Variants in KIF13B observed in about 807,000 individuals in gnomAD.
The protein encoded by KIF13B is kinesin-like protein KIF13B.
In KIF13B, 127 loss-of-function variants were observed where a neutral mutation model predicts 222.0. The ratio of observed to expected loss-of-function variants is 0.57; its 90% confidence interval spans 0.50 to 0.66. The LOEUF is 0.66. Among genes scored for constraint, KIF13B ranks in the 30% least tolerant of loss-of-function variants. The pLI is 0.00. For missense variants in KIF13B, 2,173 were observed against 2,379.0 expected, an observed-to-expected ratio of 0.91 and a Z score of 1.80; for synonymous variants, 976 against 919.0, an observed-to-expected ratio of 1.06 and a Z score of -1.12.
At chr8:29,072,911 A>C (rs1807368426) in intron 38 of KIF13B, among the ~76,000 whole-genome samples, 1 of 152,058 alleles carries the variant, frequency 6.6e-6, no homozygotes, top group South Asian at 2.1e-4. Context: ...TGAGTCACTA[A>C]AGAGACCAGA....
rs1366334962 is a variant in KIF13B at position 29,113,572 on chromosome 8, T to G, written c.3838-17A>C. 4 of 1,464,338 alleles carry G rather than the reference T, an allele frequency of 2.7e-6. No homozygotes were observed. The highest frequency in any genetic ancestry group is 1.2e-5 in the South Asian group (1 of 82,158). The allele number at this position is 1,464,338 out of a possible 1,614,324, so 90.7% of individuals were successfully genotyped here. ...TGCAAAACCCTAGAGAAAAACAAAA[T>G]AGAAGATATGGTTTCCCACCTGAAA... On this transcript the variant is annotated splice_polypyrimidine_tract_variant and intron_variant, in intron 31 of 39. Coordinates refer to ENST00000524189, the MANE Select transcript of KIF13B (RefSeq NM_015254.4).
At chr8:29,109,026 C>T (rs977040287) in intron 34 of KIF13B, among the ~76,000 whole-genome samples, 22 of 152,144 alleles carry the variant, frequency 1.4e-4, no homozygotes, top group African/African-American at 5.3e-4. Flanking sequence ...GCATGGACAC[C>T]ACCCTGGCTG....
intron 21 of KIF13B, among the ~76,000 whole-genome samples, chr8:29,139,479 C>A (rs1275586034): frequency 3.9e-5 from 6 of 152,158 alleles, no homozygotes; most frequent in African/African-American, 1.4e-4. Context: ...AGATTCCTCC[C>A]CCTTCCTAGT....
Position 29,150,376 on chromosome 8 carries a change from C to A in KIF13B, c.1543G>T (p.Val515Leu), listed in dbSNP as rs1372580071. 2.6e-6 allele frequency: 4 copies of A among 1,557,976 alleles called. No homozygotes were observed. In the Admixed American group the frequency reaches 6.8e-5, roughly 27 times the overall value. The change falls in exon 15 of 40, where the codon GTA (valine) becomes TTA (leucine). Residue 515 changes from valine (V) to leucine (L), a missense_variant. Around this residue, in one of 2 missense-constraint regions of KIF13B, gnomAD observed 1,480 missense variants for 1,722.8 expected, o/e 0.86. Coordinates refer to ENST00000524189, the MANE Select transcript of KIF13B (RefSeq NM_015254.4). ...LTPQKNTRTF[V>L]NGSSVSSPIQ... ...GGACTGGAGACAGATGACCCATTTACAAATGTTCTGTAAGGAGAAGAGATC... is the reference window on the plus strand; with the variant it reads ...GGACTGGAGACAGATGACCCATTTAAAAATGTTCTGTAAGGAGAAGAGATC...
chr8:29,109,458 A>G lies in KIF13B; in HGVS notation c.4137T>C (p.Ser1379=). 6.2e-7 allele frequency: 1 copy of G among 1,613,702 alleles called. No individual in the cohort carries two copies. The highest frequency in any genetic ancestry group is 8.5e-7 in the Non-Finnish European group (1 of 1,179,724). Residue 1379 remains serine, a synonymous_variant, in exon 34 of 40, where the codon AGT becomes AGC. Coordinates refer to ENST00000524189, the MANE Select transcript of KIF13B (RefSeq NM_015254.4). The part of the protein sequence containing the change: ...LTGKGKLSRR[S]ISSPNVNRLS... ...CTCTGTTCACATTTGGAGAACTGAT[A>G]CTCCTCCTGCTCAACTTTCCTTTTC... is the stretch of plus-strand genomic sequence containing the variant.
intron 2 of KIF13B, among the ~76,000 whole-genome samples, chr8:29,232,816 C>T (rs1427040377): frequency 6.6e-6 from 1 of 152,158 alleles, no homozygotes. Flanking sequence ...CTCCATAGCA[C>T]CCATACCACT....
At position 29,180,835 on chromosome 8, in the gene KIF13B, G is replaced by A. The variant is rs543085937; in HGVS notation, c.586-597C>T. On this transcript the variant is annotated intron_variant, in intron 7 of 39. Coordinates refer to ENST00000524189, the MANE Select transcript of KIF13B (RefSeq NM_015254.4). ...TTCTTTTTTTTTTTTAATGTTATAA[G>A]CTCTAAAACAGTTAACCAACCTGGA... Among the ~76,000 whole-genome samples, 9 of 151,396 alleles carry A rather than the reference G, an allele frequency of 5.9e-5. No homozygotes were observed. The South Asian group carries it at 1.9e-3, about 32-fold the overall frequency.
chr8:29,149,529 C>T (rs575674922), intron 15 of KIF13B, among the ~76,000 whole-genome samples: 1 of 152,228 alleles, frequency 6.6e-6, no homozygotes, highest in Non-Finnish European at 1.5e-5. Flanking sequence ...CCAGGTGAGA[C>T]ACAGTCTTTC....
intron 12 of KIF13B, among the ~76,000 whole-genome samples, chr8:29,162,971 G>A (rs1811846527): frequency 6.6e-6 from 1 of 152,116 alleles, no homozygotes; most frequent in Non-Finnish European, 1.5e-5. Flanking sequence ...AAACAAATGA[G>A]CACAGCTATA....
intron 10 of KIF13B, among the ~76,000 whole-genome samples, chr8:29,174,331 C>T (rs1432410322): frequency 1.3e-5 from 2 of 152,054 alleles, no homozygotes; most frequent in East Asian, 1.9e-4. Context: ...TTGAATTTTG[C>T]AGTTTGCTTG....
intron 21 of KIF13B, among the ~76,000 whole-genome samples, chr8:29,135,055 T>C (rs1219741513): frequency 5.9e-5 from 9 of 152,126 alleles, no homozygotes; most frequent in African/African-American, 9.7e-5. Context: ...TTAGATTGAT[T>C]TGTTTTTGAG....
At chr8:29,212,340 C>A (rs1341528758) in intron 2 of KIF13B, among the ~76,000 whole-genome samples, 3 of 152,136 alleles carry the variant, frequency 2.0e-5, no homozygotes, top group Non-Finnish European at 1.5e-5. Context: ...CACGGTTGCT[C>A]CCCATCTTCA....
intron 1 of KIF13B, among the ~76,000 whole-genome samples, chr8:29,247,726 C>T (rs1816091173): frequency 6.8e-6 from 1 of 147,050 alleles, no homozygotes; most frequent in Admixed American, 7.1e-5. Flanking sequence ...CCCAGCTACT[C>T]AGAAGGTTGA....
intron 2 of KIF13B, among the ~76,000 whole-genome samples, chr8:29,230,472 G>C (rs1815235357): frequency 6.6e-6 from 1 of 152,146 alleles, no homozygotes; most frequent in Non-Finnish European, 1.5e-5. Context: ...GCCCAAAAAG[G>C]CCAGGTCAAC....
intron 24 of KIF13B, among the ~76,000 whole-genome samples, 171 bp downstream of exon 24, chr8:29,130,362 G>GA (rs57584506): frequency 4.0e-5 from 6 of 151,336 alleles, no homozygotes; most frequent in Non-Finnish European, 8.8e-5. Context: ...TTCATTAAAA[G>GA]AAAAAAAAAT....
chr8:29,092,871 A>C lies in KIF13B; in HGVS notation c.4332T>G (p.Ser1444Arg). 6.2e-7 allele frequency: 1 copy of C among 1,609,722 alleles called. No homozygotes were observed. Among genetic ancestry groups the C allele is most frequent in the Non-Finnish European group, 8.5e-7 (1 of 1,177,930 alleles). The change falls in exon 37 of 40, where the codon AGT becomes AGG. Residue 1444 changes from serine to arginine, a missense_variant. By Grantham distance (110) the Ser-to-Arg change is moderately radical. Transcript: ENST00000524189. ...GATTCAAGTAGGATGCTGCAAGGTT[A>C]CTGAGTCCTGCCCATATTACAGGGG... The part of the protein sequence containing the change: ...QNNHSPDPGL[S>R]NLAASYLNPV...
intron 10 of KIF13B, among the ~76,000 whole-genome samples, chr8:29,173,972 G>A (rs1812369534): frequency 6.6e-6 from 1 of 150,398 alleles, no homozygotes; most frequent in Non-Finnish European, 1.5e-5. Flanking sequence ...ATTTGGTAAT[G>A]AAACGATTTA....
At position 29,148,632 on chromosome 8, in the gene KIF13B, G is replaced by A. The variant is rs755138971; in HGVS notation, c.1758C>T (p.Asn586=). 2.1e-5 allele frequency: 34 copies of A among 1,612,744 alleles called. No individual in the cohort carries two copies. In the African/African-American group the frequency reaches 4.5e-4, roughly 22 times the overall value. Residue 586 remains asparagine (N), a synonymous_variant, in exon 16 of 40, where the codon AAC becomes AAT. Transcript: ENST00000524189. Reference sequence around the variant, plus strand: ...CCATCTGTGCGTATTCGTAATTAAAGTTAACTTCACTGGACACCTCGCTGG... The same window carrying A: ...CCATCTGTGCGTATTCGTAATTAAAATTAACTTCACTGGACACCTCGCTGG... ...DSSSEVSSEV[N]FNYEYAQMEV...
At position 29,142,313 on chromosome 8, in the gene KIF13B, G is replaced by C. The variant is rs1379032473; in HGVS notation, c.2188-10C>G. The C allele has an allele frequency of 6.2e-7, 1 of 1,606,242 alleles. No homozygotes were observed. Among genetic ancestry groups the C allele is most frequent in the Non-Finnish European group, 8.5e-7 (1 of 1,176,098 alleles). On this transcript the variant is annotated splice_polypyrimidine_tract_variant and intron_variant, in intron 18 of 39. Transcript: ENST00000524189. Reference sequence around the variant, plus strand: ...TAAGAAGAGAGCCTCGCTGCAAAGAGAGTAAGAATGACCGTGAGAAACACA... The same window carrying C: ...TAAGAAGAGAGCCTCGCTGCAAAGACAGTAAGAATGACCGTGAGAAACACA...
Sources: allele counts gnomAD v4.1 joint callset (sites outside exome capture counted in the v4.1 genomes callset), GRCh38; gene constraint gnomAD v4.1.1; regional missense constraint gnomAD v4.1.1; transcripts MANE v1.5; gene names NCBI Gene and HGNC (gene_info 2026-07-23, HGNC 2026-07-21).